ZRANB3: variants seen among roughly 807,000 people sequenced by gnomAD.
ZRANB3 encodes the protein DNA annealing helicase and endonuclease ZRANB3.
In ZRANB3, 125 loss-of-function variants were observed where a neutral mutation model predicts 133.8. That is an observed-to-expected ratio of 0.93 (90% confidence interval 0.81 to 1.08). The LOEUF is 1.08. Ranked by LOEUF, ZRANB3 falls within the 50% of genes least tolerant of loss-of-function variation. The probability of loss-of-function intolerance (pLI) is 0.00; values close to 1 mark genes in which losing one functional copy is unlikely to be tolerated. For synonymous variants in ZRANB3, 387 were observed against 432.7 expected (o/e 0.89, Z 1.31); for missense variants, 1,229 against 1,275.5 (o/e 0.96, Z 0.56).
intron 12 of ZRANB3, among the ~76,000 whole-genome samples, chr2:135,233,127 C>T (rs572688750): frequency 1.3e-5 from 2 of 152,138 alleles, no homozygotes; most frequent in African/African-American, 4.8e-5. Context: ...AACCATGGCA[C>T]GAGAGCTATG....
chr2:135,465,723 G>C (rs10179653), intron 2 of ZRANB3, among the ~76,000 whole-genome samples: 4,368 of 152,252 alleles, frequency 0.029, 192 homozygotes, highest in African/African-American at 0.098. Flanking sequence ...TCAGCAGAGT[G>C]AACAGGCAAC....
chr2:135,482,823 T>G (rs939657544), intron 2 of ZRANB3, among the ~76,000 whole-genome samples: 2 of 152,210 alleles, frequency 1.3e-5, no homozygotes, highest in African/African-American at 4.8e-5. Flanking sequence ...GTTTTCAGCA[T>G]GAAGGGTTGT....
intron 8 of ZRANB3, among the ~76,000 whole-genome samples, chr2:135,284,670 A>C (rs895540735): frequency 2.0e-5 from 3 of 151,430 alleles, no homozygotes; most frequent in African/African-American, 7.3e-5. Context: ...ACGGGGTTTC[A>C]TCATGTTGGC....
chr2:135,479,040 G>T (rs1483946022), intron 2 of ZRANB3, among the ~76,000 whole-genome samples: 1 of 151,554 alleles, frequency 6.6e-6, no homozygotes, highest in Admixed American at 6.6e-5. Context: ...CAAAGTAGTT[G>T]TGCCAATTTC....
At chr2:135,296,255 T>A (rs2104802152) in intron 8 of ZRANB3, among the ~76,000 whole-genome samples, 2 of 152,340 alleles carry the variant, frequency 1.3e-5, no homozygotes, top group East Asian at 3.9e-4. Context: ...AGTCCCATAT[T>A]TGTTGGAGGC....
chr2:135,252,780 A>G (rs1214517670), intron 12 of ZRANB3, among the ~76,000 whole-genome samples: 1 of 152,190 alleles, frequency 6.6e-6, no homozygotes, highest in Non-Finnish European at 1.5e-5. Flanking sequence ...AGACTAAATT[A>G]GATCTCTTTC....
At chr2:135,238,795 A>C (rs1695424005) in intron 12 of ZRANB3, 1 of 152,256 alleles carries the variant, frequency 6.6e-6, no homozygotes, top group Non-Finnish European at 1.5e-5. Flanking sequence ...GGTATGAGGA[A>C]ACCCAGGCCA....
chr2:135,518,794 A>C (rs1295636674), intron 1 of ZRANB3, among the ~76,000 whole-genome samples: 1 of 152,072 alleles, frequency 6.6e-6, no homozygotes, highest in Non-Finnish European at 1.5e-5. Flanking sequence ...CATATGCCAC[A>C]TTTTCAGCTG....
intron 12 of ZRANB3, among the ~76,000 whole-genome samples, chr2:135,252,240 G>A (rs1679434734): frequency 6.6e-6 from 1 of 151,966 alleles, no homozygotes; most frequent in African/African-American, 2.4e-5. Flanking sequence ...ATAACTATTG[G>A]GTACTGGGCT....
chr2:135,265,780 C>T, intron 11 of ZRANB3, 94 bp from the exon 12 acceptor site: 1 of 1,307,980 alleles, frequency 7.6e-7, no homozygotes, highest in Non-Finnish European at 1.0e-6. Flanking sequence ...TCATAAGCTA[C>T]CCACTAAGAA....
In ZRANB3 at chr2:135,493,123, AT is replaced by A. The variant is rs1692474109; in HGVS notation, c.161+11205del. Reference sequence around the variant, plus strand: ...AATATATATATATATATATATATATATATATATATATATATATATATATATA... The same window carrying A: ...AATATATATATATATATATATATATAATATATATATATATATATATATATA... On this transcript the variant is annotated intron_variant, in intron 2 of 20. Transcript: ENST00000264159. Among the ~76,000 whole-genome samples, 31 of 16,476 alleles carry A rather than the reference AT, an allele frequency of 1.9e-3. 5 individuals carry two copies. In the South Asian group the frequency reaches 0.07, roughly 37 times the overall value. 10.8% of individuals were successfully genotyped at this position (16,476 alleles called of 152,430 possible).
At chr2:135,219,256 A>G (rs534041035) in intron 15 of ZRANB3, 78 bp from the exon 16 acceptor site, 10 of 940,290 alleles carry the variant, frequency 1.1e-5, no homozygotes, top group Non-Finnish European at 1.5e-5. Flanking sequence ...AAATAATTAC[A>G]TTATGACACA....
At chr2:135,340,727 G>A (rs1226628107) in intron 6 of ZRANB3, among the ~76,000 whole-genome samples, 4 of 151,818 alleles carry the variant, frequency 2.6e-5, no homozygotes, top group African/African-American at 7.3e-5. Context: ...GTGGCGGCAC[G>A]CGCCTGTAAT....
intron 2 of ZRANB3, among the ~76,000 whole-genome samples, chr2:135,409,673 G>A (rs1271842016): frequency 2.6e-5 from 4 of 152,074 alleles, no homozygotes; most frequent in Non-Finnish European, 5.9e-5. Context: ...CCGAAAAAGA[G>A]GAACTCGAAT....
In ZRANB3 at chr2:135,398,521, C is replaced by CTTTTTTTTTT. The variant is rs374119156; in HGVS notation, c.162-7711_162-7702dup. Among the ~76,000 whole-genome samples the CTTTTTTTTTT allele has an allele frequency of 8.3e-4, 103 of 123,892 alleles. 5 individuals are homozygous for CTTTTTTTTTT. The highest frequency in any genetic ancestry group is 2.1e-3 in the African/African-American group (62 of 29,048). 81.3% of individuals were successfully genotyped at this position (123,892 alleles called of 152,430 possible). ...CAAACAAAAACCATTTCTTTTGTCACTTTTTTTTTTTTTTTGAGATGGAGT... is the reference window on the plus strand; with the variant it reads ...CAAACAAAAACCATTTCTTTTGTCACTTTTTTTTTTTTTTTTTTTTTTTTTGAGATGGAGT... On this transcript the variant is annotated intron_variant, in intron 2 of 20. Coordinates refer to ENST00000264159, the MANE Select transcript of ZRANB3 (RefSeq NM_032143.4).
chr2:135,357,065 T>C (rs767155905), intron 3 of ZRANB3, among the ~76,000 whole-genome samples: 5 of 152,178 alleles, frequency 3.3e-5, no homozygotes, highest in Non-Finnish European at 7.3e-5. Flanking sequence ...TTGAAACGTC[T>C]TTTTGTCCAC....
chr2:135,439,479 C>A (rs1042676634), intron 2 of ZRANB3, among the ~76,000 whole-genome samples: 1 of 152,124 alleles, frequency 6.6e-6, no homozygotes, highest in Admixed American at 6.5e-5. Flanking sequence ...CCACATCCCA[C>A]TATAAGAGAT....
chr2:135,227,129 T>G (rs1694786382), intron 14 of ZRANB3, among the ~76,000 whole-genome samples: 1 of 152,366 alleles, frequency 6.6e-6, no homozygotes, highest in East Asian at 1.9e-4. Flanking sequence ...TCAATCTGTA[T>G]GTTACTATGG....
intron 20 of ZRANB3, 47 bp downstream of exon 20, chr2:135,202,785 T>C: frequency 6.4e-7 from 1 of 1,558,370 alleles, no homozygotes; most frequent in South Asian, 1.2e-5. Context: ...CAATTTTCCA[T>C]TTGACTTCTC....
Sources: allele counts gnomAD v4.1 joint callset (sites outside exome capture counted in the v4.1 genomes callset), GRCh38; gene constraint gnomAD v4.1.1; transcripts MANE v1.5; gene names NCBI Gene and HGNC (gene_info 2026-07-23, HGNC 2026-07-21).